ATP11A: variants seen among roughly 807,000 people sequenced by gnomAD.
ATP11A encodes the protein phospholipid-transporting ATPase IH.
Under a neutral mutation model 154.4 loss-of-function variants are expected in ATP11A, and 81 were observed. That is an observed-to-expected ratio of 0.52 (90% CI 0.44 to 0.63). ATP11A has a LOEUF of 0.63. Ranked by LOEUF, ATP11A falls within the 30% of genes least tolerant of loss-of-function variation. ATP11A has a pLI of 0.00. For missense variants in ATP11A, 1,316 were observed against 1,474.3 expected (o/e 0.89, Z 1.76); for synonymous variants, 623 against 585.9 (o/e 1.06, Z -0.91).
At chr13:112,844,529 C>T (rs903054962) in intron 17 of ATP11A, among the ~76,000 whole-genome samples, 14 of 152,182 alleles carry the variant, frequency 9.2e-5, no homozygotes, top group South Asian at 4.1e-4. Context: ...CCGCTCCACT[C>T]GCCGTCACTG....
rs184256985 is a variant in ATP11A, at chr13:112,763,654, C to T, written c.40-21481C>T. On this transcript the variant is annotated intron_variant, in intron 1 of 29. Coordinates refer to ENST00000375645, the MANE Select transcript of ATP11A (RefSeq NM_015205.3). Reference sequence around the variant, plus strand: ...TCTGAAGCCTGCTACCTGGAGGCATCCTCTACATGGAGGAACCTTGGCTTC... The same window carrying T: ...TCTGAAGCCTGCTACCTGGAGGCATTCTCTACATGGAGGAACCTTGGCTTC... Among the ~76,000 whole-genome samples the T allele has an allele frequency of 5.4e-3, 828 of 152,320 alleles. 7 individuals carry two copies. The highest frequency in any genetic ancestry group is 0.018 in the African/African-American group (744 of 41,558).
chr13:112,711,234 C>T (rs978839133), intron 1 of ATP11A, among the ~76,000 whole-genome samples: 3 of 152,124 alleles, frequency 2.0e-5, no homozygotes, highest in South Asian at 2.1e-4. Flanking sequence ...AGGTAGTATT[C>T]GCTCTAAAAT....
Position 112,871,706 on chromosome 13 carries a change from A to G in ATP11A, c.2992-29A>G, listed in dbSNP as rs754998937. 4.4e-6 allele frequency: 7 copies of G among 1,602,998 alleles called. No homozygotes were observed. In the African/African-American group the frequency reaches 8.0e-5, roughly 18 times the overall value. On this transcript the variant is annotated intron_variant, in intron 25 of 29. Transcript: ENST00000375645. ...AGAGAAAAAAAAATACATAAAAACG[A>G]GATGACTTGGACTATTTTCCCCAAA...
At chr13:112,825,969 G>A (rs1329738473) in intron 11 of ATP11A, among the ~76,000 whole-genome samples, 1 of 151,816 alleles carries the variant, frequency 6.6e-6, no homozygotes, top group Admixed American at 6.6e-5. Flanking sequence ...ACCGAGACCT[G>A]TGTCCACTGA....
chr13:112,715,875 A>G (rs1356261884), intron 1 of ATP11A, among the ~76,000 whole-genome samples: 1 of 151,764 alleles, frequency 6.6e-6, no homozygotes, highest in Non-Finnish European at 1.5e-5. Context: ...GACAGAGTGT[A>G]TGGCCTTGAG....
At chr13:112,743,828 T>A (rs1891817381) in intron 1 of ATP11A, among the ~76,000 whole-genome samples, 2 of 152,088 alleles carry the variant, frequency 1.3e-5, no homozygotes, top group South Asian at 4.1e-4. Flanking sequence ...TTCCCTGGAG[T>A]TTAGTATAGG....
intron 17 of ATP11A, among the ~76,000 whole-genome samples, chr13:112,844,603 C>G (rs960249830): frequency 2.0e-5 from 3 of 152,200 alleles, no homozygotes; most frequent in African/African-American, 7.2e-5. Flanking sequence ...CTGTTGTATC[C>G]GGCGTCTTTC....
intron 1 of ATP11A, among the ~76,000 whole-genome samples, chr13:112,711,290 T>A (rs1031308855): frequency 6.6e-6 from 1 of 152,174 alleles, no homozygotes; most frequent in Non-Finnish European, 1.5e-5. Flanking sequence ...AGGAAAATTG[T>A]CCCAAATTAC....
rs2080028475 is a variant in ATP11A, at chr13:112,859,243, G to A, written c.2668-150G>A. On this transcript the variant is annotated intron_variant, in intron 22 of 29. Transcript: ENST00000375645. This position sits in a 1 kb window ranked among gnomAD's most constrained non-coding sequence, Gnocchi z 4.3. ...TGCATTTCAGTTGCCCCTGAAATAA[G>A]AGAAAGCTTTCTAGAACCCATTAGT... The A allele has an allele frequency of 1.4e-6, 1 of 704,090 alleles. No individual in the cohort carries two copies. Among genetic ancestry groups the A allele is most frequent in the Non-Finnish European group, 2.6e-6 (1 of 385,756 alleles). 43.6% of individuals were successfully genotyped at this position (704,090 alleles called of 1,614,324 possible). A position where few individuals can be genotyped will look rare whatever the true frequency, so the allele number is the denominator to read the frequency against.
At position 112,872,484 on chromosome 13, in the gene ATP11A, G is replaced by A. The variant is rs370643405; in HGVS notation, c.3057+684G>A. Among the ~76,000 whole-genome samples the A allele has an allele frequency of 1.4e-4, 22 of 152,280 alleles. No homozygotes were observed. In the South Asian group the frequency reaches 1.9e-3, roughly 13 times the overall value. On this transcript the variant is annotated intron_variant, in intron 26 of 29. Transcript: ENST00000375645. ...AAAGTAGCCGGGCATGGTGGCACGCGCCTGTAATCCCAGCTACTTGGGAGG... is the reference window on the plus strand; with the variant it reads ...AAAGTAGCCGGGCATGGTGGCACGCACCTGTAATCCCAGCTACTTGGGAGG...
chr13:112,819,206 G>C, intron 6 of ATP11A, 98 bp from the exon 7 acceptor site: 3 of 951,498 alleles, frequency 3.2e-6, no homozygotes, highest in Middle Eastern at 2.4e-4. Flanking sequence ...AAACTCATAG[G>C]GTCAGCCAGG....
intron 1 of ATP11A, among the ~76,000 whole-genome samples, chr13:112,783,432 C>T (rs1456902665): frequency 1.3e-5 from 2 of 152,250 alleles, no homozygotes. Context: ...TTTCATGCTC[C>T]AGGACCCTGA....
intron 17 of ATP11A, 89 bp downstream of exon 17, chr13:112,842,468 A>G: frequency 1.0e-6 from 1 of 993,838 alleles, no homozygotes; most frequent in Non-Finnish European, 1.6e-6. Context: ...CTGGCTGGGA[A>G]TGGCGTATTG....
At chr13:112,693,151 T>C (rs1885387137) in intron 1 of ATP11A, among the ~76,000 whole-genome samples, 1 of 152,226 alleles carries the variant, frequency 6.6e-6, no homozygotes, top group Admixed American at 6.5e-5. Flanking sequence ...AGATGAAGGT[T>C]AGGCCAGGGT....
intron 5 of ATP11A, among the ~76,000 whole-genome samples, chr13:112,814,159 G>A (rs2078579178): frequency 6.6e-6 from 1 of 151,998 alleles, no homozygotes; most frequent in African/African-American, 2.4e-5. Flanking sequence ...CACCTCCCAG[G>A]TTCAAGCTAT....
chr13:112,736,967 C>T (rs1429348033), intron 1 of ATP11A, among the ~76,000 whole-genome samples: 1 of 152,066 alleles, frequency 6.6e-6, no homozygotes, highest in Non-Finnish European at 1.5e-5. Context: ...CTGGTGGGAG[C>T]ATTCAAAACC....
intron 1 of ATP11A, among the ~76,000 whole-genome samples, chr13:112,695,139 A>T (rs1594307391): frequency 6.6e-6 from 1 of 152,210 alleles, no homozygotes; most frequent in South Asian, 2.1e-4. Flanking sequence ...TAGACGATCC[A>T]GTGGGACCTT....
rs755968138 is a variant in ATP11A, at chr13:112,826,861, C to G, written c.1191C>G (p.Asn397Lys). 1.2e-6 allele frequency: 2 copies of G among 1,614,198 alleles called. No homozygotes were observed. Among genetic ancestry groups the G allele is most frequent in the Non-Finnish European group, 1.7e-6 (2 of 1,180,038 alleles). ...AGACTGGCGAGGGGCCTCTGGTGAA[C>G]ACGTCGGACCTCAATGAAGAGCTGG... ...DEETGEGPLV[N>K]TSDLNEELGQ... Residue 397 changes from asparagine to lysine, a missense_variant, in exon 12 of 30, where the codon AAC becomes AAG. Asn to Lys is a moderately conservative substitution (Grantham distance 94). Around this residue, in one of 5 missense-constraint regions of ATP11A, gnomAD observed 876 missense variants for 1,006.8 expected, o/e 0.87. Coordinates refer to ENST00000375645, the MANE Select transcript of ATP11A (RefSeq NM_015205.3).
At chr13:112,836,052 C>G (rs868197197) in intron 15 of ATP11A, 126 bp from the exon 16 acceptor site, 1 of 605,328 alleles carries the variant, frequency 1.7e-6, no homozygotes, top group African/African-American at 1.9e-5. Flanking sequence ...CAGCAGCCCT[C>G]TGTGTGTCCC....
Sources: allele counts gnomAD v4.1 joint callset (sites outside exome capture counted in the v4.1 genomes callset), GRCh38; gene constraint gnomAD v4.1.1; regional missense constraint gnomAD v4.1.1; non-coding constraint Gnocchi (gnomAD v3.1); transcripts MANE v1.5; gene names NCBI Gene and HGNC (gene_info 2026-07-23, HGNC 2026-07-21).